The following RO60 variants were observed in gnomAD, a reference collection of about 807,000 sequenced individuals.
The protein encoded by RO60 is RNA-binding protein RO60.
Under a neutral mutation model 55.3 loss-of-function variants are expected in RO60, and 20 were observed. That is an observed-to-expected ratio of 0.36 (90% CI 0.25 to 0.53). RO60 has a LOEUF of 0.53. RO60 is among the 20% of genes least tolerant of loss of function. RO60 has a pLI of 0.92. For missense variants in RO60, 558 were observed against 646.6 expected, an observed-to-expected ratio of 0.86 and a Z score of 1.49; for synonymous variants, 213 against 213.6, an observed-to-expected ratio of 1.00 and a Z score of 0.02.
In RO60 at chr1:193,069,363, C is replaced by T. The variant is rs577225294; in HGVS notation, c.309C>T (p.Ser103=). ...LFALAICSQC[S]DISTKQAAFK... is the part of the protein sequence containing the mutation. ...CACTTGCCATTTGTTCCCAGTGCTCCGACATAAGCACAAAACAAGCAGCAT... is the reference window on the plus strand; with the variant it reads ...CACTTGCCATTTGTTCCCAGTGCTCTGACATAAGCACAAAACAAGCAGCAT... The change falls in exon 2 of 9, where the codon TCC becomes TCT. Residue 103 remains serine, a synonymous_variant. Transcript: ENST00000400968. 49 of 1,613,976 alleles carry T rather than the reference C, an allele frequency of 3.0e-5. No homozygotes were observed. The East Asian group carries it at 3.1e-4, about 10-fold the overall frequency.
rs1228037804 is a variant in RO60 at position 193,059,944 on chromosome 1, G to T, written c.-22+168G>T. 7.3e-7 allele frequency: 1 copy of T among 1,366,414 alleles called. No homozygotes were observed. Among genetic ancestry groups the T allele is most frequent in the Admixed American group, 1.9e-5 (1 of 52,560 alleles). 84.6% of individuals were successfully genotyped at this position (1,366,414 alleles called of 1,614,324 possible). ...CCCGCTTCCGCGCCTGTCCACCCTG[G>T]GTAACGGAACCAGCATCGCGGTAGG... On this transcript the variant is annotated intron_variant, in intron 1 of 8. Transcript: ENST00000400968. This position sits in a 1 kb window ranked among gnomAD's most constrained non-coding sequence, Gnocchi z 4.9.
At chr1:193,074,536 T>C (rs1167402169) in intron 2 of RO60, among the ~76,000 whole-genome samples, 3 of 152,232 alleles carry the variant, frequency 2.0e-5, no homozygotes, top group African/African-American at 7.2e-5. Context: ...AAATGTCTTC[T>C]TTTGAGAAGT....
At chr1:193,068,857 T>C (rs1364479796) in intron 1 of RO60, among the ~76,000 whole-genome samples, 177 bp from the exon 2 acceptor site, 2 of 152,240 alleles carry the variant, frequency 1.3e-5, no homozygotes, top group Non-Finnish European at 2.9e-5. Flanking sequence ...TTTCTGCCTT[T>C]CCTGATTTTT....
In RO60 at chr1:193,085,616, T is replaced by G. The variant is rs1173898523; in HGVS notation, c.*885T>G. The G allele has an allele frequency of 1.0e-6, 1 of 984,432 alleles. No individual in the cohort carries two copies. Among genetic ancestry groups the G allele is most frequent in the Non-Finnish European group, 1.2e-6 (1 of 829,176 alleles). The allele number at this position is 984,432 out of a possible 1,614,324, so 61.0% of individuals were successfully genotyped here. ...GCTTAACTCCCCCTCATTCACAAAGTATAACAATTAAAATCTCAACTATAA... is the reference window on the plus strand; with the variant it reads ...GCTTAACTCCCCCTCATTCACAAAGGATAACAATTAAAATCTCAACTATAA... On this transcript the variant is annotated 3_prime_UTR_variant, in exon 9 of 9. Transcript: ENST00000400968.
chr1:193,070,841 A>G (rs1673441081), intron 2 of RO60, among the ~76,000 whole-genome samples: 1 of 152,246 alleles, frequency 6.6e-6, no homozygotes, highest in Admixed American at 6.5e-5. Context: ...AAATGTAAAT[A>G]ATAAATTGCA....
chr1:193,080,178 C>T (rs976262126), intron 5 of RO60, among the ~76,000 whole-genome samples: 1 of 151,724 alleles, frequency 6.6e-6, no homozygotes, highest in Non-Finnish European at 1.5e-5. Flanking sequence ...CATTAATAAT[C>T]AGAGAAATGC....
Position 193,090,395 on chromosome 1 carries a change from G to A in RO60, c.*5664G>A, listed in dbSNP as rs1674811726. The stretch of plus-strand genomic sequence containing the variant: ...ATTAGATTTAAAATATACAATTAAT[G>A]AATAGTACTCAAAGTGTTTTTGTTG... On this transcript the variant is annotated 3_prime_UTR_variant, in exon 9 of 9. Coordinates refer to ENST00000400968, the MANE Select transcript of RO60 (RefSeq NM_001173524.2). 6.6e-6 allele frequency: 1 copy of A among 151,192 alleles called. No individual in the cohort carries two copies. The highest frequency in any genetic ancestry group is 2.1e-4 in the South Asian group (1 of 4,780). 9.4% of individuals were successfully genotyped at this position (151,192 alleles called of 1,614,324 possible). A position where few individuals can be genotyped will look rare whatever the true frequency, so the allele number is the denominator to read the frequency against.
In RO60 at chr1:193,076,657, A is replaced by G. The variant is rs767955799; in HGVS notation, c.948+10A>G. ...AAAACTATTAAAAAAGGTAAGCATT[A>G]TCATTGTTCTTTATTAGCTACTACT... On this transcript the variant is annotated intron_variant, in intron 4 of 8. Coordinates refer to ENST00000400968, the MANE Select transcript of RO60 (RefSeq NM_001173524.2). The G allele has an allele frequency of 2.5e-5, 40 of 1,586,014 alleles. No homozygotes were observed. Among genetic ancestry groups the G allele is most frequent in the Non-Finnish European group, 3.4e-5 (40 of 1,168,550 alleles).
chr1:193,082,535 T>C (rs1193371770), intron 7 of RO60, 27 bp from the exon 8 acceptor site: 7 of 1,611,054 alleles, frequency 4.3e-6, no homozygotes, highest in African/African-American at 2.7e-5. Context: ...TATTTACTTA[T>C]TTATTCATGC....
chr1:193,066,768 CT>C (rs1330932007), intron 1 of RO60, among the ~76,000 whole-genome samples: 1 of 152,194 alleles, frequency 6.6e-6, no homozygotes, highest in African/African-American at 2.4e-5. Context: ...TTGTGTTCCT[CT>C]TTAAGTTATG....
In RO60 at chr1:193,068,925, G is replaced by A. The variant is rs1257138636; in HGVS notation, c.-21-109G>A. The A allele has an allele frequency of 8.4e-6, 6 of 716,358 alleles. No homozygotes were observed. In the African/African-American group the frequency reaches 1.1e-4, roughly 13 times the overall value. The allele number at this position is 716,358 out of a possible 1,614,324, so 44.4% of individuals were successfully genotyped here. On this transcript the variant is annotated intron_variant, in intron 1 of 8. Transcript: ENST00000400968. ...GGAAAAACTATGGAACTTAAAAGAT[G>A]TTTTTAAATTAAAAGAGTTAATAAC... is the stretch of plus-strand genomic sequence containing the variant.
intron 5 of RO60, 45 bp from the exon 6 acceptor site, chr1:193,081,319 A>G (rs758410884): frequency 2.7e-6 from 3 of 1,127,814 alleles, no homozygotes; most frequent in Admixed American, 1.8e-5. Context: ...TAGTCTACTT[A>G]TAATTTCTGT....
At chr1:193,081,892 C>G in intron 6 of RO60, among the ~76,000 whole-genome samples, 1 of 152,100 alleles carries the variant, frequency 6.6e-6, no homozygotes. Flanking sequence ...CAGTGAATAA[C>G]AAACAGATGA....
At chr1:193,060,711 T>C (rs1049853059) in intron 1 of RO60, among the ~76,000 whole-genome samples, 1 of 152,164 alleles carries the variant, frequency 6.6e-6, no homozygotes, top group Non-Finnish European at 1.5e-5. Flanking sequence ...AAGCCAAAAT[T>C]TGTATGAAGT....
rs1674801956 is a variant in RO60 at position 193,090,188 on chromosome 1, T to C, written c.*5457T>C. 1 of 152,146 alleles carries C rather than the reference T, an allele frequency of 6.6e-6. No individual in the cohort carries two copies. Among genetic ancestry groups the C allele is most frequent in the Non-Finnish European group, 1.5e-5 (1 of 68,024 alleles). 9.4% of individuals were successfully genotyped at this position (152,146 alleles called of 1,614,324 possible). A position where few individuals can be genotyped will look rare whatever the true frequency, so the allele number is the denominator to read the frequency against. On this transcript the variant is annotated 3_prime_UTR_variant, in exon 9 of 9. Transcript: ENST00000400968. ...AACAAAGGAAATAGTAAATTAGCTA[T>C]ATGTCTGCTGGTTTCACTTCGATGT...
chr1:193,082,510 G>GTA, intron 7 of RO60, 52 bp from the exon 8 acceptor site: 1 of 1,576,514 alleles, frequency 6.3e-7, no homozygotes, highest in African/African-American at 1.3e-5. Flanking sequence ...GTAAAAACTA[G>GTA]TATTTTTAAG....
intron 1 of RO60, among the ~76,000 whole-genome samples, chr1:193,064,476 A>T (rs561949884): frequency 6.6e-6 from 1 of 152,232 alleles, no homozygotes; most frequent in East Asian, 1.9e-4. Flanking sequence ...ACAGTATCAC[A>T]TCACTTTGCC....
In RO60 at chr1:193,059,640, C is replaced by T. The variant is rs781670691; in HGVS notation, c.-158C>T. 3 of 1,393,700 alleles carry T rather than the reference C, an allele frequency of 2.2e-6. No homozygotes were observed. The highest frequency in any genetic ancestry group is 4.1e-5 in the East Asian group (1 of 24,118). 86.3% of individuals were successfully genotyped at this position (1,393,700 alleles called of 1,614,324 possible). A position where few individuals can be genotyped will look rare whatever the true frequency, so the allele number is the denominator to read the frequency against. ...CGTTCCCGGGAACCGAACCTGGAAT[C>T]CCCGGCGGCAGTGGGGCTGTTGCTG... is the stretch of plus-strand genomic sequence containing the variant. On this transcript the variant is annotated 5_prime_UTR_variant, in exon 1 of 9. Transcript: ENST00000400968. The surrounding 1 kb of genome is among the most constrained non-coding windows in gnomAD (Gnocchi z 4.9).
At chr1:193,076,453 T>C in intron 3 of RO60, 48 bp from the exon 4 acceptor site, 1 of 1,589,204 alleles carries the variant, frequency 6.3e-7, no homozygotes, top group Non-Finnish European at 8.6e-7. Context: ...GTTATACTGA[T>C]TTATTTTCCC....
Sources: gnomAD v4.1 joint callset for allele counts (sites outside exome capture counted in the v4.1 genomes callset) on GRCh38, gnomAD v4.1.1 for gene constraint, Gnocchi (gnomAD v3.1) non-coding constraint, MANE v1.5 for transcripts, NCBI Gene and HGNC (gene_info 2026-07-23, HGNC 2026-07-21) for gene names.